The following CPSF7 variants were observed in gnomAD, a reference collection of about 807,000 sequenced individuals.
CPSF7 encodes cleavage and polyadenylation specific factor 7.
A neutral mutation model predicts 44.3 loss-of-function variants in CPSF7; 1 was observed. The ratio of observed to expected loss-of-function variants is 0.02; its 90% CI spans 0.01 to 0.11. The LOEUF (loss-of-function observed/expected upper bound fraction) is 0.11, where lower values mean the gene tolerates loss of function less well. Ranked by LOEUF, CPSF7 falls within the 10% of genes least tolerant of loss-of-function variation. The probability of loss-of-function intolerance (pLI) is 1.00; values close to 1 mark genes in which losing one functional copy is unlikely to be tolerated. For missense variants in CPSF7, 443 were observed against 607.2 expected (o/e 0.73, Z 2.84); for synonymous variants, 202 against 222.0 (o/e 0.91, Z 0.80).
intron 5 of CPSF7, among the ~76,000 whole-genome samples, chr11:61,416,941 A>G (rs1226573221): frequency 6.6e-6 from 1 of 152,132 alleles, no homozygotes; most frequent in Non-Finnish European, 1.5e-5. Flanking sequence ...AACTAATACT[A>G]GTTAACCTCT....
intron 5 of CPSF7, among the ~76,000 whole-genome samples, chr11:61,417,638 A>G (rs1010183880): frequency 1.3e-5 from 2 of 152,252 alleles, no homozygotes; most frequent in African/African-American, 4.8e-5. Flanking sequence ...CTCTTACAGA[A>G]CAGTGCCAGT....
At chr11:61,425,468 G>C (rs1861262993) in intron 2 of CPSF7, among the ~76,000 whole-genome samples, 1 of 152,196 alleles carries the variant, frequency 6.6e-6, no homozygotes, top group African/African-American at 2.4e-5. Flanking sequence ...AAAGAATTTT[G>C]TGTTTAATGG....
intron 5 of CPSF7, 56 bp downstream of exon 5, chr11:61,419,890 ACCC>A: frequency 6.5e-7 from 1 of 1,531,776 alleles, no homozygotes; most frequent in Non-Finnish European, 8.8e-7. Context: ...ACCCACAAAC[ACCC>A]CCCCCTCATA....
chr11:61,429,364 AC>A, intron 1 of CPSF7, 74 bp from the exon 2 acceptor site: 1 of 869,920 alleles, frequency 1.1e-6, no homozygotes, highest in East Asian at 2.5e-5. Flanking sequence ...ATGATTGCTA[AC>A]CTCCCATCTC....
chr11:61,425,815 G>A (rs1276972883), intron 2 of CPSF7, among the ~76,000 whole-genome samples: 1 of 152,182 alleles, frequency 6.6e-6, no homozygotes, highest in Admixed American at 6.5e-5. Context: ...CCCACCAGGA[G>A]TGGAATCTGT....
rs1279182080 is a variant in CPSF7, at chr11:61,403,480, ACT to A, written c.*1228_*1229del. On this transcript the variant is annotated 3_prime_UTR_variant, in exon 10 of 10. Transcript: ENST00000439958. ...GGCCCCCAGAATGCTGGTCCTTAGAACTCTGAGCTGAGTTCATTCAAGTCGGG... is the reference window on the plus strand; with the variant it reads ...GGCCCCCAGAATGCTGGTCCTTAGAACTGAGCTGAGTTCATTCAAGTCGGG... 1 of 152,024 alleles carries A rather than the reference ACT, an allele frequency of 6.6e-6. No homozygotes were observed. The highest frequency in any genetic ancestry group is 1.5e-5 in the Non-Finnish European group (1 of 68,004). The allele number at this position is 152,024 out of a possible 1,614,324, so 9.4% of individuals were successfully genotyped here. A position where few individuals can be genotyped will look rare whatever the true frequency, so the allele number is the denominator to read the frequency against.
chr11:61,423,794 A>C (rs1200051509), intron 2 of CPSF7, among the ~76,000 whole-genome samples: 1 of 152,204 alleles, frequency 6.6e-6, no homozygotes, highest in African/African-American at 2.4e-5. Context: ...CGACTCACTA[A>C]AAAATTTACT....
In CPSF7 at chr11:61,411,075, A is replaced by T; in HGVS notation, c.1257T>A (p.Pro419=). 1 of 1,612,722 alleles carries T rather than the reference A, an allele frequency of 6.2e-7. No individual in the cohort carries two copies. The highest frequency in any genetic ancestry group is 8.5e-7 in the Non-Finnish European group (1 of 1,179,684). ...TCCTGCTGCTCTCCCGGGACCGGCT[A>T]GGTGACCTTTCCCGGGAGCGATGTC... The part of the protein sequence containing the change: ...RKRHRSRERS[P]SRSRESSRRH... Residue 419 remains proline (P), a synonymous_variant, in exon 9 of 10, where the codon CCT becomes CCA. Coordinates refer to ENST00000439958, the MANE Select transcript of CPSF7 (RefSeq NM_001142565.3).
intron 2 of CPSF7, chr11:61,426,402 T>G (rs769334872): frequency 7.2e-5 from 11 of 152,174 alleles, no homozygotes; most frequent in Non-Finnish European, 1.2e-4. Context: ...AACTAATTGA[T>G]ATGTGTGTGG....
intron 8 of CPSF7, among the ~76,000 whole-genome samples, chr11:61,411,374 A>G (rs1678297842): frequency 6.6e-6 from 1 of 152,222 alleles, no homozygotes; most frequent in South Asian, 2.1e-4. Flanking sequence ...CAGGTCTGTA[A>G]GATAAATACT....
At chr11:61,427,924 TG>T (rs772805802) in intron 2 of CPSF7, among the ~76,000 whole-genome samples, 3 of 152,240 alleles carry the variant, frequency 2.0e-5, no homozygotes, top group Non-Finnish European at 4.4e-5. Context: ...CCGCCTCTTC[TG>T]TTGCCTCATA....
intron 3 of CPSF7, 50 bp from the exon 4 acceptor site, chr11:61,420,623 G>A (rs367579182): frequency 4.3e-5 from 60 of 1,400,140 alleles, no homozygotes; most frequent in Non-Finnish European, 5.7e-5. Flanking sequence ...CTACACCCCC[G>A]CCCGCCAATG....
At chr11:61,408,810 A>C (rs147477849) in intron 9 of CPSF7, among the ~76,000 whole-genome samples, 6 of 152,368 alleles carry the variant, frequency 3.9e-5, no homozygotes, top group African/African-American at 1.4e-4. Flanking sequence ...CCCTGGATCC[A>C]ACCAATCTTA....
chr11:61,407,395 C>G (rs997259086), intron 9 of CPSF7, among the ~76,000 whole-genome samples: 1 of 152,312 alleles, frequency 6.6e-6, no homozygotes, highest in South Asian at 2.1e-4. Flanking sequence ...ACTGTGCAGA[C>G]TCAAACAAGA....
intron 6 of CPSF7, 31 bp downstream of exon 6, chr11:61,416,074 G>C (rs552185126): frequency 1.4e-6 from 2 of 1,481,284 alleles, no homozygotes; most frequent in Non-Finnish European, 1.8e-6. Flanking sequence ...ATTTACCCTG[G>C]CTCAAATCTG....
At chr11:61,411,145 C>A in intron 8 of CPSF7, 40 bp from the exon 9 acceptor site, 1 of 1,553,578 alleles carries the variant, frequency 6.4e-7, no homozygotes. Flanking sequence ...GAAGGCCTAC[C>A]ACTTTCTTTC....
At chr11:61,418,127 T>C (rs1860513314) in intron 5 of CPSF7, among the ~76,000 whole-genome samples, 1 of 152,156 alleles carries the variant, frequency 6.6e-6, no homozygotes, top group Non-Finnish European at 1.5e-5. Flanking sequence ...CAACAAGAGT[T>C]CACACCAAAT....
In CPSF7 at chr11:61,429,913, C is replaced by G; in HGVS notation, c.-56+1G>C. The G allele has an allele frequency of 6.7e-7, 1 of 1,491,832 alleles. No individual in the cohort carries two copies. Among genetic ancestry groups the G allele is most frequent in the East Asian group, 2.6e-5 (1 of 38,978 alleles). The allele number at this position is 1,491,832 out of a possible 1,614,324, so 92.4% of individuals were successfully genotyped here. ...TGCCCCCGACCGCGCGCCCCCGTTA[C>G]CGGGAATATGGCGGCGGCGGCGGCG... On this transcript the variant is annotated splice_donor_variant, in intron 1 of 9. Coordinates refer to ENST00000439958, the MANE Select transcript of CPSF7 (RefSeq NM_001142565.3). LOFTEE classifies it low-confidence loss of function (5UTR_SPLICE).
chr11:61,409,850 G>A (rs1020237565), intron 9 of CPSF7, among the ~76,000 whole-genome samples: 7 of 152,108 alleles, frequency 4.6e-5, no homozygotes, highest in Non-Finnish European at 7.4e-5. Flanking sequence ...ACGCGCGCCT[G>A]TAGCCCCAGC....
Sources: gnomAD v4.1 joint callset for allele counts (sites outside exome capture counted in the v4.1 genomes callset) on GRCh38, gnomAD v4.1.1 for gene constraint, MANE v1.5 for transcripts, NCBI Gene and HGNC (gene_info 2026-07-23, HGNC 2026-07-21) for gene names.